Variants in PARD3 observed in about 807,000 individuals in gnomAD.
The protein encoded by PARD3 is partitioning defective 3 homolog.
Under a neutral mutation model 155.4 loss-of-function variants are expected in PARD3, and 75 were observed. The observed-to-expected ratio is 0.48, with a 90% CI of 0.40 to 0.58. PARD3 has a LOEUF of 0.58. Ranked by LOEUF, PARD3 falls within the 20% of genes least tolerant of loss-of-function variation. The probability of loss-of-function intolerance (pLI) is 0.00; values close to 1 mark genes in which losing one functional copy is unlikely to be tolerated. For synonymous variants in PARD3, 576 were observed against 610.5 expected, an observed-to-expected ratio of 0.94 and a Z score of 0.83; for missense variants, 1,642 against 1,721.7, an observed-to-expected ratio of 0.95 and a Z score of 0.82.
intron 8 of PARD3, among the ~76,000 whole-genome samples, chr10:34,383,758 A>T (rs1297162044): frequency 2.0e-5 from 3 of 152,208 alleles, no homozygotes; most frequent in Non-Finnish European, 4.4e-5. Context: ...AACCTCAAGC[A>T]GATACAAACA....
At chr10:34,128,526 G>A (rs1031756791) in intron 23 of PARD3, among the ~76,000 whole-genome samples, 2 of 152,170 alleles carry the variant, frequency 1.3e-5, no homozygotes, top group Non-Finnish European at 2.9e-5. Context: ...TGCGATATTA[G>A]TGCAGTAGTT....
Position 34,238,946 on chromosome 10 carries a change from T to G in PARD3, c.3419+30711A>C, listed in dbSNP as rs538328982. 2.0e-5 allele frequency among the ~76,000 whole-genome samples: 3 copies of G among 152,282 alleles called. No homozygotes were observed. The South Asian group carries it at 6.2e-4, about 32-fold the overall frequency. ...AATAGAAATTTAACACTGACATATT[T>G]TATTTTAAACTTTTTTTTCTTCCTC... On this transcript the variant is annotated intron_variant, in intron 22 of 24. Coordinates refer to ENST00000374788, the MANE Select transcript of PARD3 (RefSeq NM_001184785.2).
intron 1 of PARD3, among the ~76,000 whole-genome samples, chr10:34,724,608 T>C (rs2094667403): frequency 6.6e-6 from 1 of 152,236 alleles, no homozygotes; most frequent in Non-Finnish European, 1.5e-5. Context: ...AGTGAATATA[T>C]ATAAGCTAAA....
intron 7 of PARD3, among the ~76,000 whole-genome samples, chr10:34,387,953 A>G (rs1651207094): frequency 6.6e-6 from 1 of 152,240 alleles, no homozygotes; most frequent in African/African-American, 2.4e-5. Flanking sequence ...TCTACAAATC[A>G]TAAATACACC....
intron 1 of PARD3, among the ~76,000 whole-genome samples, chr10:34,714,934 C>A (rs1307495703): frequency 1.3e-5 from 2 of 151,888 alleles, no homozygotes; most frequent in African/African-American, 4.8e-5. Flanking sequence ...ACCACCACAG[C>A]CAGCTAATTT....
intron 1 of PARD3, among the ~76,000 whole-genome samples, chr10:34,801,983 T>C (rs1407803610): frequency 1.3e-5 from 2 of 152,256 alleles, no homozygotes; most frequent in African/African-American, 4.8e-5. Flanking sequence ...TTACATTTTA[T>C]ACTTTTATCC....
At chr10:34,447,265 AGG>A in intron 5 of PARD3, among the ~76,000 whole-genome samples, 1 of 152,092 alleles carries the variant, frequency 6.6e-6, no homozygotes, top group East Asian at 1.9e-4. Context: ...GTATCACTTG[AGG>A]TCAGCAGTTT....
At chr10:34,762,274 C>G (rs59634426) in intron 1 of PARD3, among the ~76,000 whole-genome samples, 94 of 91,118 alleles carry the variant, frequency 1.0e-3, no homozygotes, top group South Asian at 2.8e-3. Context: ...GAGAGAGAGA[C>G]AAAGAGACAG....
chr10:34,332,005 C>G (rs993061164), intron 18 of PARD3, among the ~76,000 whole-genome samples: 1 of 152,112 alleles, frequency 6.6e-6, no homozygotes, highest in Non-Finnish European at 1.5e-5. Context: ...CATAAGGGCT[C>G]TCTCTCAGAG....
intron 19 of PARD3, among the ~76,000 whole-genome samples, chr10:34,319,492 C>T (rs955831987): frequency 5.3e-5 from 8 of 152,182 alleles, no homozygotes; most frequent in African/African-American, 1.9e-4. Context: ...AGAAAATTTG[C>T]TCCTTTTCCT....
chr10:34,216,145 T>TAGG (rs1034529264), intron 22 of PARD3, among the ~76,000 whole-genome samples: 2 of 152,214 alleles, frequency 1.3e-5, no homozygotes, highest in African/African-American at 2.4e-5. Context: ...GCTGATGGTC[T>TAGG]AAGATGGCGC....
At chr10:34,376,159 T>C (rs769584341) in intron 10 of PARD3, among the ~76,000 whole-genome samples, 3 of 152,214 alleles carry the variant, frequency 2.0e-5, no homozygotes, top group Non-Finnish European at 2.9e-5. Context: ...CAATATTGTA[T>C]AGCTACAACT....
intron 3 of PARD3, among the ~76,000 whole-genome samples, chr10:34,514,657 C>T (rs1025637): frequency 0.24 from 36,784 of 152,026 alleles, 4,827 homozygotes; most frequent in East Asian, 0.41. Context: ...CAAGACAACA[C>T]ATATGCTTCA....
chr10:34,540,393 T>TGGAA (rs2083523389), intron 2 of PARD3, among the ~76,000 whole-genome samples: 3 of 151,384 alleles, frequency 2.0e-5, no homozygotes, highest in South Asian at 2.1e-4. Context: ...TGAGAATTCA[T>TGGAA]GGAAGGAAGG....
At position 34,470,162 on chromosome 10, in the gene PARD3, T is replaced by G. The variant is rs778813338; in HGVS notation, c.505A>C (p.Asn169His). Residue 169 changes from asparagine to histidine, a missense_variant, in exon 4 of 25, where the codon AAT becomes CAT. This residue lies in a region of PARD3 where 1,529 missense variants were observed against 1,587.3 expected (regional missense o/e 0.96). Transcript: ENST00000374788. ...NFSSEEPSRK[N>H]PTRWSTTAGF... ...GCTGTTGTTGACCAGCGTGTGGGATTTTTCCTTGAAGGCTCTTCAGAGGAA... is the reference window on the plus strand; with the variant it reads ...GCTGTTGTTGACCAGCGTGTGGGATGTTTCCTTGAAGGCTCTTCAGAGGAA... 4 of 1,613,308 alleles carry G rather than the reference T, an allele frequency of 2.5e-6. No homozygotes were observed. The highest frequency in any genetic ancestry group is 3.4e-6 in the Non-Finnish European group (4 of 1,179,788).
intron 23 of PARD3, among the ~76,000 whole-genome samples, chr10:34,128,864 T>C (rs963982132): frequency 6.6e-6 from 1 of 151,910 alleles, no homozygotes; most frequent in Non-Finnish European, 1.5e-5. Flanking sequence ...TCAGAATGAG[T>C]TGGAAGGCTC....
chr10:34,668,912 CCATT>C (rs758619426), intron 2 of PARD3, among the ~76,000 whole-genome samples: 3 of 152,054 alleles, frequency 2.0e-5, no homozygotes, highest in Non-Finnish European at 2.9e-5. Flanking sequence ...CATTTCCATT[CCATT>C]CATTCATTCA....
At chr10:34,175,663 A>G (rs117282992) in intron 22 of PARD3, among the ~76,000 whole-genome samples, 5,386 of 152,306 alleles carry the variant, frequency 0.035, 141 homozygotes, top group Admixed American at 0.053. Context: ...TAATAAATGA[A>G]TGTTCTGGAT....
At chr10:34,360,745 C>A (rs1564627742) in intron 12 of PARD3, among the ~76,000 whole-genome samples, 1 of 152,098 alleles carries the variant, frequency 6.6e-6, no homozygotes, top group East Asian at 1.9e-4. Context: ...ACAAAATCAG[C>A]AGAAAAAGGT....
Sources: allele counts gnomAD v4.1 joint callset (sites outside exome capture counted in the v4.1 genomes callset), GRCh38; gene constraint gnomAD v4.1.1; regional missense constraint gnomAD v4.1.1; transcripts MANE v1.5; gene names NCBI Gene and HGNC (gene_info 2026-07-23, HGNC 2026-07-21).